Variants in SGCZ observed in about 807,000 individuals in gnomAD.
SGCZ encodes zeta-sarcoglycan.
SGCZ carries 40 observed loss-of-function variants against 41.3 expected under a neutral mutation model. That is an observed-to-expected ratio of 0.97 (90% CI 0.75 to 1.26). The LOEUF is 1.26. Ranked by LOEUF, SGCZ falls within the 50% of genes most tolerant of loss-of-function variation. The pLI, the probability that SGCZ is intolerant of heterozygous loss-of-function variation, is 0.00. For synonymous variants in SGCZ, 206 were observed against 137.5 expected, an observed-to-expected ratio of 1.50 and a Z score of -3.49; for missense variants, 552 against 369.8, an observed-to-expected ratio of 1.49 and a Z score of -4.04.
intron 2 of SGCZ, among the ~76,000 whole-genome samples, chr8:14,378,350 A>G (rs1302820759): frequency 6.6e-6 from 1 of 152,174 alleles, no homozygotes; most frequent in African/African-American, 2.4e-5. Flanking sequence ...AGGCAATACC[A>G]TTCAGGACAT....
chr8:14,721,131 T>C (rs1468334861), intron 1 of SGCZ, among the ~76,000 whole-genome samples: 1 of 152,174 alleles, frequency 6.6e-6, no homozygotes, highest in African/African-American at 2.4e-5. Flanking sequence ...GTTGCCTTTG[T>C]TTCCCTAATT....
In SGCZ at chr8:14,595,112, C is replaced by A. The variant is rs531245310; in HGVS notation, c.40-40186G>T. Among the ~76,000 whole-genome samples the A allele has an allele frequency of 1.2e-4, 18 of 150,228 alleles. No individual in the cohort carries two copies. The South Asian group carries it at 2.3e-3, about 19-fold the overall frequency. ...TGTTATCACCTCAAAATTGTATTAA[C>A]ATCAATAATGATGACAAATGAAACT... On this transcript the variant is annotated intron_variant, in intron 1 of 7. Coordinates refer to ENST00000382080, the MANE Select transcript of SGCZ (RefSeq NM_139167.4).
intron 3 of SGCZ, among the ~76,000 whole-genome samples, chr8:14,240,182 G>T (rs1380456790): frequency 6.6e-6 from 1 of 151,452 alleles, no homozygotes; most frequent in Non-Finnish European, 1.5e-5. Context: ...CGAAAAATTA[G>T]CCAGGCATGG....
chr8:14,418,162 T>C (rs1799547005), intron 2 of SGCZ, among the ~76,000 whole-genome samples: 1 of 151,936 alleles, frequency 6.6e-6, no homozygotes, highest in East Asian at 1.9e-4. Context: ...GGAGAAATTT[T>C]ACATATTAAG....
intron 1 of SGCZ, among the ~76,000 whole-genome samples, chr8:15,221,156 A>G (rs922003268): frequency 1.3e-5 from 2 of 152,300 alleles, no homozygotes; most frequent in Middle Eastern, 3.4e-3. Flanking sequence ...AGAACTTAAA[A>G]AAGAAAAGAA....
In SGCZ at chr8:14,932,928, CT is replaced by C. The variant is rs369860030; in HGVS notation, c.39+304656del. The stretch of plus-strand genomic sequence containing the variant: ...GGCATTCATTTCAAGAGGCCGTTAT[CT>C]TAAGTTAATTAACACAGGAAGGGAA... On this transcript the variant is annotated intron_variant, in intron 1 of 7. Transcript: ENST00000382080. Among the ~76,000 whole-genome samples, 163 of 151,990 alleles carry C rather than the reference CT, an allele frequency of 1.1e-3. 1 individual carries two copies. Among genetic ancestry groups the C allele is most frequent in the African/African-American group, 2.9e-3 (120 of 41,358 alleles).
At position 14,323,717 on chromosome 8, in the gene SGCZ, C is replaced by T. The variant is rs189004455; in HGVS notation, c.336+386G>A. Among the ~76,000 whole-genome samples the T allele has an allele frequency of 9.1e-3, 1,381 of 152,166 alleles. 20 individuals carry two copies. The highest frequency in any genetic ancestry group is 0.031 in the African/African-American group (1,274 of 41,546). On this transcript the variant is annotated intron_variant, in intron 3 of 7. Transcript: ENST00000382080. ...TTTAGAAAATGCATGTCTATTAATG[C>T]TGATCAGATACATAGTATGTTGACT...
chr8:14,230,067 A>C (rs959867608), intron 4 of SGCZ, among the ~76,000 whole-genome samples: 9 of 152,130 alleles, frequency 5.9e-5, no homozygotes, highest in Non-Finnish European at 1.3e-4. Flanking sequence ...ATACGTGCCT[A>C]TGCTCTATGG....
At chr8:14,818,411 C>T (rs1375377413) in intron 1 of SGCZ, among the ~76,000 whole-genome samples, 1 of 152,156 alleles carries the variant, frequency 6.6e-6, no homozygotes, top group African/African-American at 2.4e-5. Flanking sequence ...ACCACAGAGG[C>T]TAGCCAGAAC....
chr8:15,210,284 T>C (rs909821939), intron 1 of SGCZ, among the ~76,000 whole-genome samples: 4 of 152,172 alleles, frequency 2.6e-5, no homozygotes, highest in Non-Finnish European at 4.4e-5. Flanking sequence ...TTTACTGTTA[T>C]TTTCAGCCAA....
intron 1 of SGCZ, among the ~76,000 whole-genome samples, chr8:14,567,725 A>T (rs1239948068): frequency 6.6e-6 from 1 of 152,136 alleles, no homozygotes; most frequent in Non-Finnish European, 1.5e-5. Flanking sequence ...ATGAGCTGTA[A>T]CACTCACCGT....
chr8:14,849,323 T>C (rs1803237359), intron 1 of SGCZ, among the ~76,000 whole-genome samples: 1 of 151,964 alleles, frequency 6.6e-6, no homozygotes, highest in Non-Finnish European at 1.5e-5. Context: ...ACCATTCCAC[T>C]CCCAGATATC....
intron 2 of SGCZ, among the ~76,000 whole-genome samples, chr8:14,340,229 C>T (rs1317859917): frequency 6.6e-6 from 1 of 151,874 alleles, no homozygotes; most frequent in African/African-American, 2.4e-5. Context: ...AGATTTCTTC[C>T]CATGTTGCTA....
At chr8:14,928,251 T>C (rs994358921) in intron 1 of SGCZ, among the ~76,000 whole-genome samples, 1 of 152,176 alleles carries the variant, frequency 6.6e-6, no homozygotes, top group African/African-American at 2.4e-5. Context: ...AATCAGAATG[T>C]TGGCATAGGA....
At chr8:14,560,987 A>T (rs1804191360) in intron 1 of SGCZ, among the ~76,000 whole-genome samples, 1 of 152,158 alleles carries the variant, frequency 6.6e-6, no homozygotes, top group Admixed American at 6.5e-5. Context: ...ATCACAAAAT[A>T]CTTTAGAGCA....
chr8:14,523,663 TC>T (rs1802855613), intron 2 of SGCZ, among the ~76,000 whole-genome samples: 2 of 152,112 alleles, frequency 1.3e-5, no homozygotes, highest in Non-Finnish European at 2.9e-5. Context: ...CTTTGAATTT[TC>T]CACATTTTAG....
At chr8:14,460,759 C>T (rs140463682) in intron 2 of SGCZ, among the ~76,000 whole-genome samples, 1 of 152,236 alleles carries the variant, frequency 6.6e-6, no homozygotes, top group East Asian at 1.9e-4. Flanking sequence ...AGCAAGATGC[C>T]TAACTTTAGA....
chr8:14,479,744 T>TGGAG (rs1328203188), intron 2 of SGCZ, among the ~76,000 whole-genome samples: 1 of 87,888 alleles, frequency 1.1e-5, no homozygotes, highest in Non-Finnish European at 2.6e-5. Flanking sequence ...TTTTTTTTTT[T>TGGAG]TTTTTTTTTT....
Position 14,630,224 on chromosome 8 carries a change from A to T in SGCZ, c.40-75298T>A, listed in dbSNP as rs144144593. Among the ~76,000 whole-genome samples, 293 of 144,372 alleles carry T rather than the reference A, an allele frequency of 2.0e-3. 1 individual carries two copies. Among genetic ancestry groups the T allele is most frequent in the Non-Finnish European group, 3.6e-3 (236 of 65,952 alleles). The allele number at this position is 144,372 out of a possible 152,430, so 94.7% of individuals were successfully genotyped here. A position where few individuals can be genotyped will look rare whatever the true frequency, so the allele number is the denominator to read the frequency against. On this transcript the variant is annotated intron_variant, in intron 1 of 7. Transcript: ENST00000382080. The stretch of plus-strand genomic sequence containing the variant: ...TACAAATTCATCAAAGTTATTTTTC[A>T]CATGTGTTTTGATTTTTTTTTTTTG...
Sources: allele counts gnomAD v4.1 joint callset (sites outside exome capture counted in the v4.1 genomes callset), GRCh38; gene constraint gnomAD v4.1.1; transcripts MANE v1.5; gene names NCBI Gene and HGNC (gene_info 2026-07-23, HGNC 2026-07-21).